ADRA1A: variants seen among roughly 807,000 people sequenced by gnomAD.
ADRA1A encodes the protein alpha-1A adrenergic receptor.
Under a neutral mutation model 29.6 loss-of-function variants are expected in ADRA1A, and 31 were observed. The ratio of observed to expected loss-of-function variants is 1.05; its 90% CI spans 0.79 to 1.41. ADRA1A has a LOEUF of 1.41. Ranked by LOEUF, ADRA1A falls within the 40% of genes most tolerant of loss-of-function variation. The probability of loss-of-function intolerance (pLI) is 0.00; values close to 1 mark genes in which losing one functional copy is unlikely to be tolerated. For missense variants in ADRA1A, 619 were observed against 601.1 expected (o/e 1.03, Z -0.31); for synonymous variants, 311 against 254.3 (o/e 1.22, Z -2.12).
intron 2 of ADRA1A, among the ~76,000 whole-genome samples, chr8:26,855,501 G>A (rs1342254305): frequency 1.3e-5 from 2 of 151,644 alleles, no homozygotes; most frequent in Non-Finnish European, 2.9e-5. Flanking sequence ...TATAAGTGAT[G>A]GATAAAAATA....
At chr8:26,819,607 C>A (rs1471970706) in intron 2 of ADRA1A, among the ~76,000 whole-genome samples, 2 of 151,538 alleles carry the variant, frequency 1.3e-5, no homozygotes, top group Non-Finnish European at 2.9e-5. Flanking sequence ...AATCACAAAG[C>A]AAAAACCTTT....
intron 2 of ADRA1A, among the ~76,000 whole-genome samples, chr8:26,826,221 G>A (rs1432642154): frequency 6.6e-6 from 1 of 152,214 alleles, no homozygotes; most frequent in Admixed American, 6.5e-5. Flanking sequence ...AAAGTCTCAT[G>A]AGTGATCTCT....
intron 2 of ADRA1A, among the ~76,000 whole-genome samples, chr8:26,758,479 T>G (rs1805318987): frequency 6.6e-6 from 1 of 152,218 alleles, no homozygotes; most frequent in African/African-American, 2.4e-5. Context: ...ATAGGGGGCC[T>G]ACTATGATTT....
intron 2 of ADRA1A, among the ~76,000 whole-genome samples, chr8:26,811,190 C>CTTTTTTT (rs1226269478): frequency 2.8e-5 from 4 of 142,720 alleles, no homozygotes; most frequent in African/African-American, 2.7e-5. Flanking sequence ...AGCTTTCTTT[C>CTTTTTTT]TTTTCTTTTT....
At chr8:26,774,433 C>T (rs1806397323) in intron 2 of ADRA1A, among the ~76,000 whole-genome samples, 1 of 152,170 alleles carries the variant, frequency 6.6e-6, no homozygotes, top group Admixed American at 6.6e-5. Context: ...CTTTGGGAGG[C>T]CAAGGTGGGC....
intron 2 of ADRA1A, among the ~76,000 whole-genome samples, chr8:26,851,666 ATAAT>A (rs1001254838): frequency 3.9e-5 from 6 of 152,198 alleles, no homozygotes; most frequent in African/African-American, 1.4e-4. Flanking sequence ...TCCAGGAAAA[ATAAT>A]TAAATAGAAC....
At chr8:26,867,343 C>G (rs1025903891), upstream of ADRA1A, 1 of 985,212 alleles carries the variant, frequency 1.0e-6, no homozygotes, top group African/African-American at 1.7e-5. Context: ...GCAACAGGCA[C>G]AAGTGCGTAT....
downstream of ADRA1A, among the ~76,000 whole-genome samples, chr8:26,762,790 C>T (rs1232842583): frequency 1.3e-5 from 2 of 152,176 alleles, no homozygotes; most frequent in African/African-American, 4.8e-5. This position sits in a 1 kb window ranked among gnomAD's most constrained non-coding sequence, Gnocchi z 4.0. Context: ...TCTCAGAGCT[C>T]TGCTGTGGAG....
chr8:26,816,713 C>T (rs117817965), intron 2 of ADRA1A, among the ~76,000 whole-genome samples: 1,550 of 152,318 alleles, frequency 0.01, 26 homozygotes, highest in East Asian at 0.032. Flanking sequence ...GGCACCTCAG[C>T]GCCCACCAGC....
chr8:26,851,674 A>G (rs1442791858), intron 2 of ADRA1A, among the ~76,000 whole-genome samples: 1 of 152,202 alleles, frequency 6.6e-6, no homozygotes, highest in African/African-American at 2.4e-5. Context: ...AAATAATTAA[A>G]TAGAACAAAA....
chr8:26,800,452 T>G (rs1264287989), intron 2 of ADRA1A, among the ~76,000 whole-genome samples: 1 of 152,038 alleles, frequency 6.6e-6, no homozygotes, highest in Non-Finnish European at 1.5e-5. Flanking sequence ...CAACAAATGG[T>G]GTAAGAGTAA....
chr8:26,759,482 C>A (rs375799634), intron 2 of ADRA1A, among the ~76,000 whole-genome samples: 5 of 152,138 alleles, frequency 3.3e-5, no homozygotes, highest in African/African-American at 1.2e-4. Flanking sequence ...AATAGCCTTC[C>A]TACTTGTCGG....
At chr8:26,812,765 C>G (rs1327127489) in intron 2 of ADRA1A, among the ~76,000 whole-genome samples, 2 of 151,546 alleles carry the variant, frequency 1.3e-5, no homozygotes, top group African/African-American at 2.4e-5. Context: ...CCCGGGTTCA[C>G]GCCATTCTCC....
intron 2 of ADRA1A, among the ~76,000 whole-genome samples, chr8:26,861,038 C>T (rs1813415690): frequency 6.6e-6 from 1 of 152,158 alleles, no homozygotes; most frequent in African/African-American, 2.4e-5. Flanking sequence ...TTCCATCACT[C>T]CTCTGGACCT....
intron 2 of ADRA1A, among the ~76,000 whole-genome samples, chr8:26,785,949 C>T (rs940749859): frequency 6.6e-6 from 1 of 152,220 alleles, no homozygotes; most frequent in African/African-American, 2.4e-5. Flanking sequence ...TCAGGCCCTA[C>T]TCAGCCACAA....
intron 2 of ADRA1A, among the ~76,000 whole-genome samples, chr8:26,849,574 A>G (rs1166829834): frequency 6.6e-6 from 1 of 152,224 alleles, no homozygotes; most frequent in Non-Finnish European, 1.5e-5. Context: ...CAACAAAGAC[A>G]ATCCATTTCC....
Position 26,830,469 on chromosome 8 carries a change from A to G in ADRA1A, c.883+33618T>C, listed in dbSNP as rs185061832. On this transcript the variant is annotated intron_variant, in intron 2 of 2. Coordinates refer to ENST00000380573, the MANE Select transcript of ADRA1A (RefSeq NM_000680.4). ...TCGTTCTAGGATAACACATGACTGG[A>G]CCACAGGGAAATAAATGGCCATGAA... Among the ~76,000 whole-genome samples the G allele has an allele frequency of 8.7e-4, 133 of 152,320 alleles. 1 individual carries two copies. The highest frequency in any genetic ancestry group is 6.8e-3 in the Middle Eastern group (2 of 294).
At chr8:26,833,745 A>AT (rs1193883150) in intron 2 of ADRA1A, among the ~76,000 whole-genome samples, 1 of 152,238 alleles carries the variant, frequency 6.6e-6, no homozygotes, top group African/African-American at 2.4e-5. Context: ...TCTGAATGAG[A>AT]TTTTGTTTCT....
intron 2 of ADRA1A, among the ~76,000 whole-genome samples, chr8:26,789,691 A>G (rs2130413373): frequency 6.6e-6 from 1 of 152,320 alleles, no homozygotes; most frequent in African/African-American, 2.4e-5. Flanking sequence ...AACCTTCTGC[A>G]CAGCAAAGGA....
Sources: gnomAD v4.1 joint callset for allele counts (sites outside exome capture counted in the v4.1 genomes callset) on GRCh38, gnomAD v4.1.1 for gene constraint, Gnocchi (gnomAD v3.1) non-coding constraint, MANE v1.5 for transcripts, NCBI Gene and HGNC (gene_info 2026-07-23, HGNC 2026-07-21) for gene names.